SGMS1: variants seen among roughly 807,000 people sequenced by gnomAD.
SGMS1 encodes phosphatidylcholine:ceramide cholinephosphotransferase 1.
In SGMS1, 13 loss-of-function variants were observed where a neutral mutation model predicts 46.2. That is an observed-to-expected ratio of 0.28 (90% CI 0.18 to 0.45). The LOEUF (loss-of-function observed/expected upper bound fraction) is 0.45. Ranked by LOEUF, SGMS1 falls within the 20% of genes least tolerant of loss-of-function variation. The probability of loss-of-function intolerance (pLI) is 1.00; values close to 1 mark genes in which losing one functional copy is unlikely to be tolerated. For synonymous variants in SGMS1, 203 were observed against 187.8 expected (o/e 1.08, Z -0.66); for missense variants, 324 against 519.9 (o/e 0.62, Z 3.66).
Position 50,555,530 on chromosome 10 carries a change from G to A in SGMS1, c.-589+34623C>T, listed in dbSNP as rs186062556. ...GCAGTGTAATAAGGAATGCGGTTGA[G>A]GCCTCTGCTTCAAAGATCATTCTTA... On this transcript the variant is annotated intron_variant, in intron 2 of 10. Coordinates refer to ENST00000361781, the MANE Select transcript of SGMS1 (RefSeq NM_147156.4). Among the ~76,000 whole-genome samples the A allele has an allele frequency of 1.1e-3, 162 of 152,260 alleles. 1 individual carries two copies. Among genetic ancestry groups the A allele is most frequent in the African/African-American group, 3.9e-3 (160 of 41,548 alleles).
intron 5 of SGMS1, among the ~76,000 whole-genome samples, chr10:50,449,640 CGTGTGTGTGTGT>C (rs10581530): frequency 2.0e-5 from 3 of 150,076 alleles, no homozygotes; most frequent in Admixed American, 2.0e-4. Flanking sequence ...AGTGTGTGCA[CGTGTGTGTGTGT>C]GTGTGTGTGT....
intron 6 of SGMS1, among the ~76,000 whole-genome samples, chr10:50,388,179 C>T (rs1429067141): frequency 6.6e-6 from 1 of 152,140 alleles, no homozygotes; most frequent in Non-Finnish European, 1.5e-5. Flanking sequence ...AAGCAACATC[C>T]ACTATCTCCA....
intron 3 of SGMS1, among the ~76,000 whole-genome samples, chr10:50,519,405 G>A (rs1240869956): frequency 2.0e-5 from 3 of 152,192 alleles, no homozygotes; most frequent in Non-Finnish European, 4.4e-5. Context: ...CTTCCAGGAC[G>A]AAAGCCTCCA....
intron 7 of SGMS1, among the ~76,000 whole-genome samples, chr10:50,338,605 A>C (rs186597930): frequency 3.3e-5 from 5 of 152,316 alleles, no homozygotes; most frequent in Admixed American, 1.3e-4. Context: ...TGTCATTATA[A>C]AAGATTAGAA....
chr10:50,616,870 A>T (rs1838802977), intron 1 of SGMS1, among the ~76,000 whole-genome samples: 1 of 152,262 alleles, frequency 6.6e-6, no homozygotes, highest in African/African-American at 2.4e-5. Context: ...TAAGACAGAA[A>T]ATCTTACAAT....
intron 2 of SGMS1, among the ~76,000 whole-genome samples, chr10:50,586,173 A>C (rs1838482270): frequency 6.6e-6 from 1 of 152,228 alleles, no homozygotes; most frequent in South Asian, 2.1e-4. Context: ...TCTGAGGAAC[A>C]CTTTCTTATT....
intron 1 of SGMS1, among the ~76,000 whole-genome samples, chr10:50,609,212 C>T (rs1358837844): frequency 6.6e-6 from 1 of 152,166 alleles, no homozygotes; most frequent in Non-Finnish European, 1.5e-5. Context: ...CTCAAGTGAT[C>T]CACCAGCCTC....
intron 6 of SGMS1, among the ~76,000 whole-genome samples, chr10:50,431,622 T>C (rs1849404929): frequency 6.6e-6 from 1 of 152,126 alleles, no homozygotes; most frequent in South Asian, 2.1e-4. Flanking sequence ...CAAGCCAAGA[T>C]GAACCTTAAA....
At chr10:50,469,783 G>A (rs1367298636) in intron 3 of SGMS1, among the ~76,000 whole-genome samples, 2 of 152,098 alleles carry the variant, frequency 1.3e-5, no homozygotes, top group Admixed American at 6.6e-5. Context: ...TCCTCTCAAG[G>A]AAAACACACT....
chr10:50,327,343 G>A, intron 7 of SGMS1, 21 bp from the exon 8 acceptor site: 2 of 1,363,394 alleles, frequency 1.5e-6, no homozygotes, highest in South Asian at 1.2e-5. Flanking sequence ...GGAAAAACAG[G>A]GCAGATTCTC....
At chr10:50,355,421 C>A (rs372211765) in intron 6 of SGMS1, among the ~76,000 whole-genome samples, 2 of 152,152 alleles carry the variant, frequency 1.3e-5, no homozygotes, top group African/African-American at 2.4e-5. Context: ...ATTGCAGGCG[C>A]GCGCCACCAC....
intron 2 of SGMS1, among the ~76,000 whole-genome samples, chr10:50,558,247 G>A (rs957794446): frequency 2.0e-5 from 3 of 152,124 alleles, no homozygotes; most frequent in African/African-American, 7.2e-5. Flanking sequence ...GTGTTAATGG[G>A]TCAACGAACT....
At chr10:50,538,790 TATC>T (rs1294910617) in intron 2 of SGMS1, among the ~76,000 whole-genome samples, 2 of 152,166 alleles carry the variant, frequency 1.3e-5, no homozygotes, top group African/African-American at 4.8e-5. Context: ...AAGCTGTAAG[TATC>T]ATTAAGTGGT....
At chr10:50,355,882 C>A (rs929641463) in intron 6 of SGMS1, among the ~76,000 whole-genome samples, 1 of 152,088 alleles carries the variant, frequency 6.6e-6, no homozygotes, top group East Asian at 1.9e-4. Context: ...TCTGCCCAGC[C>A]GCGACCCCGT....
chr10:50,523,077 C>A (rs1457654907), intron 2 of SGMS1, among the ~76,000 whole-genome samples: 1 of 152,180 alleles, frequency 6.6e-6, no homozygotes, highest in Admixed American at 6.5e-5. Flanking sequence ...GTGAGTCCCC[C>A]TCTTGTGATT....
At chr10:50,420,959 T>C (rs1476473433) in intron 6 of SGMS1, among the ~76,000 whole-genome samples, 2 of 152,220 alleles carry the variant, frequency 1.3e-5, no homozygotes, top group Admixed American at 6.5e-5. Context: ...TTCATAAATA[T>C]GTTTGGCTGC....
At chr10:50,505,703 A>T (rs1837700820) in intron 3 of SGMS1, among the ~76,000 whole-genome samples, 1 of 152,178 alleles carries the variant, frequency 6.6e-6, no homozygotes, top group Admixed American at 6.5e-5. Context: ...GTTCATATGC[A>T]GCCAACAGCT....
intron 2 of SGMS1, among the ~76,000 whole-genome samples, chr10:50,565,312 A>T (rs1838278514): frequency 6.6e-6 from 1 of 152,166 alleles, no homozygotes; most frequent in Non-Finnish European, 1.5e-5. Flanking sequence ...TTTTATACAA[A>T]ATCACATGTG....
intron 2 of SGMS1, among the ~76,000 whole-genome samples, chr10:50,566,658 T>C (rs758720863): frequency 3.0e-4 from 46 of 152,230 alleles, no homozygotes; most frequent in Non-Finnish European, 1.3e-4. Flanking sequence ...TGGAAAATTT[T>C]TATTTTAAAT....
Sources: gnomAD v4.1 joint callset for allele counts (sites outside exome capture counted in the v4.1 genomes callset) on GRCh38, gnomAD v4.1.1 for gene constraint, MANE v1.5 for transcripts, NCBI Gene and HGNC (gene_info 2026-07-23, HGNC 2026-07-21) for gene names.